Variants in RUNX1 observed in about 807,000 individuals in gnomAD.
RUNX1 encodes the protein RUNX family transcription factor 1.
In RUNX1, 19 loss-of-function variants were observed where a neutral mutation model predicts 42.8. The ratio of observed to expected loss-of-function variants is 0.44; its 90% CI spans 0.31 to 0.65. The LOEUF is 0.65. RUNX1 is among the 30% of genes least tolerant of loss of function. RUNX1 has a pLI of 0.07. For synonymous variants in RUNX1, 271 were observed against 289.4 expected (o/e 0.94, Z 0.64); for missense variants, 528 against 672.0 (o/e 0.79, Z 2.37).
rs2056401541 is a variant in RUNX1 at position 34,788,857 on chromosome 21, T to C, written c.*3278A>G. The C allele has an allele frequency of 4.3e-6, 1 of 233,114 alleles. No homozygotes were observed. Among genetic ancestry groups the C allele is most frequent in the African/African-American group, 2.2e-5 (1 of 45,270 alleles). The allele number at this position is 233,114 out of a possible 1,614,324, so 14.4% of individuals were successfully genotyped here. A position where few individuals can be genotyped will look rare whatever the true frequency, so the allele number is the denominator to read the frequency against. On this transcript the variant is annotated 3_prime_UTR_variant, in exon 9 of 9. Transcript: ENST00000675419. ...TGTATAAAAGACCCAAACATGTCAT[T>C]CCCCCCAAAAATAAAAACCAACAAA...
intron 6 of RUNX1, among the ~76,000 whole-genome samples, chr21:34,842,724 T>TACAG (rs2057258152): frequency 6.6e-6 from 1 of 151,186 alleles, no homozygotes; most frequent in Admixed American, 6.6e-5. Context: ...CATACACACA[T>TACAG]ACAGACATGC....
At chr21:34,917,654 C>CCTTTCCATAAG (rs1407587876) in intron 2 of RUNX1, among the ~76,000 whole-genome samples, 79 of 152,254 alleles carry the variant, frequency 5.2e-4, no homozygotes, top group Middle Eastern at 3.4e-3. Context: ...GGTGGTCAGA[C>CCTTTCCATAAG]ACATAAAGAA....
intron 3 of RUNX1, 68 bp from the exon 4 acceptor site, chr21:34,887,164 G>A: frequency 6.3e-7 from 1 of 1,587,152 alleles, no homozygotes; most frequent in Non-Finnish European, 8.5e-7. Flanking sequence ...ACCAGACGGC[G>A]ACAGGGGCGC....
At chr21:34,995,159 G>A (rs2058984146) in intron 2 of RUNX1, among the ~76,000 whole-genome samples, 1 of 152,194 alleles carries the variant, frequency 6.6e-6, no homozygotes. Context: ...ATGGCTGGTG[G>A]CCACGGAGGC....
chr21:34,928,801 C>A (rs1024340126), intron 2 of RUNX1, among the ~76,000 whole-genome samples: 2 of 151,996 alleles, frequency 1.3e-5, no homozygotes, highest in African/African-American at 4.8e-5. Context: ...TTTTGTTAAG[C>A]CCACAGCTGT....
At position 34,915,186 on chromosome 21, in the gene RUNX1, T is replaced by A. The variant is rs554290538; in HGVS notation, c.59-22223A>T. 3.3e-5 allele frequency among the ~76,000 whole-genome samples: 5 copies of A among 152,302 alleles called. No homozygotes were observed. In the South Asian group the frequency reaches 1.0e-3, roughly 32 times the overall value. ...ATTGCAAAGTACCAGAAGAAAGATG[T>A]AGAAAAAGTGTTTAAAAACCTTAAC... On this transcript the variant is annotated intron_variant, in intron 2 of 8. Coordinates refer to ENST00000675419, the MANE Select transcript of RUNX1 (RefSeq NM_001754.5).
chr21:34,799,138 A>C (rs2056572138), intron 8 of RUNX1, among the ~76,000 whole-genome samples, 163 bp downstream of exon 8: 1 of 152,238 alleles, frequency 6.6e-6, no homozygotes, highest in Non-Finnish European at 1.5e-5. Context: ...CCTCTTATGT[A>C]TCCAAGAAAA....
Position 34,792,689 on chromosome 21 carries a change from G to T in RUNX1, c.968-79C>A, listed in dbSNP as rs2056464632. 2.3e-5 allele frequency: 32 copies of T among 1,384,566 alleles called. No homozygotes were observed. The highest frequency in any genetic ancestry group is 3.1e-5 in the Non-Finnish European group (32 of 1,024,132). 85.8% of individuals were successfully genotyped at this position (1,384,566 alleles called of 1,614,324 possible). On this transcript the variant is annotated intron_variant, in intron 8 of 8. Coordinates refer to ENST00000675419, the MANE Select transcript of RUNX1 (RefSeq NM_001754.5). This position sits in a 1 kb window ranked among gnomAD's most constrained non-coding sequence, Gnocchi z 6.9. ...ACAGCTCTTCCCTCTGCCCCAGGGGGCTACCCAGGATGATACCGCCTAGGA... is the reference window on the plus strand; with the variant it reads ...ACAGCTCTTCCCTCTGCCCCAGGGGTCTACCCAGGATGATACCGCCTAGGA...
rs182939244 is a variant in RUNX1 at position 34,830,797 on chromosome 21, T to G, written c.805+3613A>C. On this transcript the variant is annotated intron_variant, in intron 7 of 8. Transcript: ENST00000675419. ...AATGTCTGACCCACGTCAAAATAGCTCACAACTGGTCCAGTTAAAGAGTTA... is the reference window on the plus strand; with the variant it reads ...AATGTCTGACCCACGTCAAAATAGCGCACAACTGGTCCAGTTAAAGAGTTA... 2.0e-3 allele frequency among the ~76,000 whole-genome samples: 312 copies of G among 152,280 alleles called. 1 individual carries two copies. The highest frequency in any genetic ancestry group is 0.017 in the Middle Eastern group (5 of 294).
chr21:34,886,375 G>A (rs1182309697), intron 4 of RUNX1, among the ~76,000 whole-genome samples: 2 of 152,194 alleles, frequency 1.3e-5, no homozygotes, highest in Admixed American at 1.3e-4. Context: ...AGTTTCCCTA[G>A]TTAGTTTCTT....
At chr21:34,946,195 C>T (rs369045146) in intron 2 of RUNX1, among the ~76,000 whole-genome samples, 4 of 152,208 alleles carry the variant, frequency 2.6e-5, no homozygotes, top group African/African-American at 7.2e-5. Flanking sequence ...GTGCCTCACA[C>T]GTTTTGCAGA....
intron 2 of RUNX1, among the ~76,000 whole-genome samples, chr21:35,037,977 CA>C (rs1283877339): frequency 6.6e-6 from 1 of 151,786 alleles, no homozygotes; most frequent in African/African-American, 2.4e-5. Flanking sequence ...GCTTCGGGGC[CA>C]CGTTCTTGAG....
chr21:34,878,955 T>C (rs955098537), intron 5 of RUNX1, among the ~76,000 whole-genome samples: 1 of 152,202 alleles, frequency 6.6e-6, no homozygotes, highest in African/African-American at 2.4e-5. Flanking sequence ...ATGCATAGTA[T>C]GATGATAACA....
chr21:34,983,729 A>G (rs552442493), intron 2 of RUNX1, among the ~76,000 whole-genome samples: 84 of 152,102 alleles, frequency 5.5e-4, no homozygotes, highest in African/African-American at 1.9e-3. Context: ...TTGTGGGGGG[A>G]AAATGGTTTG....
chr21:34,925,830 C>G (rs371004345), intron 2 of RUNX1, among the ~76,000 whole-genome samples: 9 of 152,008 alleles, frequency 5.9e-5, no homozygotes, highest in Non-Finnish European at 1.2e-4. Flanking sequence ...ATAATTGGTA[C>G]GTAAATGTTG....
At chr21:35,007,093 C>T (rs779378036) in intron 2 of RUNX1, among the ~76,000 whole-genome samples, 45 of 152,232 alleles carry the variant, frequency 3.0e-4, no homozygotes, top group Non-Finnish European at 1.6e-4. Context: ...CTCAAAGACT[C>T]GGGAAAGAGA....
chr21:34,882,868 T>C (rs1184776010), intron 4 of RUNX1, among the ~76,000 whole-genome samples: 1 of 152,232 alleles, frequency 6.6e-6, no homozygotes, highest in Admixed American at 6.5e-5. Context: ...CCTCTCCCTG[T>C]GGTAACCCAG....
chr21:34,895,438 T>G (rs1344456797), intron 2 of RUNX1, among the ~76,000 whole-genome samples: 2 of 152,096 alleles, frequency 1.3e-5, no homozygotes, highest in African/African-American at 4.8e-5. Context: ...TCCCAGGAAC[T>G]GGTGGGAGGG....
intron 2 of RUNX1, among the ~76,000 whole-genome samples, chr21:35,047,553 ACACACACACTCTCTCTCT>A (rs1227551449): frequency 2.3e-4 from 21 of 90,008 alleles, no homozygotes; most frequent in Middle Eastern, 6.8e-3. Context: ...ACACACACAC[ACACACACACTCTCTCTCT>A]CTCTCTCTCT....
Sources: gnomAD v4.1 joint callset for allele counts (sites outside exome capture counted in the v4.1 genomes callset) on GRCh38, gnomAD v4.1.1 for gene constraint, Gnocchi (gnomAD v3.1) non-coding constraint, MANE v1.5 for transcripts, NCBI Gene and HGNC (gene_info 2026-07-23, HGNC 2026-07-21) for gene names.